Variants in PRKG1 observed in about 807,000 individuals in gnomAD.
The protein encoded by PRKG1 is cGMP-dependent protein kinase 1.
PRKG1 carries 35 observed loss-of-function variants against 88.1 expected under a neutral mutation model. The observed-to-expected ratio is 0.40, with a 90% confidence interval of 0.30 to 0.53. The LOEUF (loss-of-function observed/expected upper bound fraction) is 0.53, where lower values mean the gene tolerates loss of function less well. Among genes scored for constraint, PRKG1 ranks in the 20% least tolerant of loss-of-function variants. The pLI, the probability that PRKG1 is intolerant of heterozygous loss-of-function variation, is 0.59. For missense variants in PRKG1, 540 were observed against 839.8 expected, an observed-to-expected ratio of 0.64 and a Z score of 4.41; for synonymous variants, 303 against 292.5, an observed-to-expected ratio of 1.04 and a Z score of -0.37.
chr10:51,796,576 C>T (rs1425847322), intron 3 of PRKG1, among the ~76,000 whole-genome samples: 1 of 151,952 alleles, frequency 6.6e-6, no homozygotes, highest in Non-Finnish European at 1.5e-5. Flanking sequence ...AAGTTTAGCA[C>T]AGAAGGGTCT....
At chr10:51,322,653 A>C (rs956778691) in intron 2 of PRKG1, among the ~76,000 whole-genome samples, 1 of 152,244 alleles carries the variant, frequency 6.6e-6, no homozygotes, top group African/African-American at 2.4e-5. Context: ...CATCTGATTT[A>C]ATAGAATATA....
At chr10:51,120,255 C>G (rs1845229013) in intron 1 of PRKG1, among the ~76,000 whole-genome samples, 1 of 151,944 alleles carries the variant, frequency 6.6e-6, no homozygotes, top group Non-Finnish European at 1.5e-5. Flanking sequence ...TTACCTTAAG[C>G]TAAATAATGG....
At chr10:51,086,590 A>C (rs1014257528) in intron 1 of PRKG1, among the ~76,000 whole-genome samples, 1 of 152,192 alleles carries the variant, frequency 6.6e-6, no homozygotes, top group African/African-American at 2.4e-5. Context: ...TTATATAACC[A>C]CGATAGTTTA....
chr10:51,132,397 A>G (rs1037914369), intron 1 of PRKG1, among the ~76,000 whole-genome samples: 3 of 152,180 alleles, frequency 2.0e-5, no homozygotes, highest in African/African-American at 7.2e-5. Context: ...ATAATAAGAT[A>G]TGTCTATTCA....
intron 3 of PRKG1, among the ~76,000 whole-genome samples, chr10:51,703,662 A>G (rs1589217674): frequency 6.6e-6 from 1 of 152,310 alleles, no homozygotes; most frequent in East Asian, 1.9e-4. Context: ...GTCTGCCAGA[A>G]AAGAAGGTCT....
In PRKG1 at chr10:51,024,771, G is replaced by T. The variant is rs117967704; in HGVS notation, c.266+33127G>T. Reference sequence around the variant, plus strand: ...AGAGCAGGAGGAAGAGAGGGAAACGGGTAGGTACGACACACTTTTAAGCAA... The same window carrying T: ...AGAGCAGGAGGAAGAGAGGGAAACGTGTAGGTACGACACACTTTTAAGCAA... On this transcript the variant is annotated intron_variant, in intron 1 of 17. Coordinates refer to the PRKG1 transcript ENST00000401604. Among the ~76,000 whole-genome samples, 900 of 152,174 alleles carry T rather than the reference G, an allele frequency of 5.9e-3. 55 individuals are homozygous for T. The East Asian group carries it at 0.13, about 22-fold the overall frequency.
At chr10:51,792,221 C>T (rs561822340) in intron 3 of PRKG1, among the ~76,000 whole-genome samples, 2 of 152,140 alleles carry the variant, frequency 1.3e-5, no homozygotes, top group East Asian at 1.9e-4. Flanking sequence ...ATCTTCATAA[C>T]TCTATTATTA....
At chr10:52,292,112 G>GT (rs549136951) in intron 17 of PRKG1, among the ~76,000 whole-genome samples, 2 of 151,816 alleles carry the variant, frequency 1.3e-5, no homozygotes, top group East Asian at 1.9e-4. Flanking sequence ...GGGGTTGTTT[G>GT]TTTTTTTTCT....
intron 3 of PRKG1, among the ~76,000 whole-genome samples, chr10:51,568,186 C>G (rs1455623758): frequency 6.6e-6 from 1 of 151,612 alleles, no homozygotes; most frequent in Admixed American, 6.6e-5. Context: ...CAATCTTCAC[C>G]CTTATGTATT....
intron 7 of PRKG1, among the ~76,000 whole-genome samples, chr10:52,126,664 T>C (rs1223899426): frequency 1.3e-5 from 2 of 152,216 alleles, no homozygotes; most frequent in Middle Eastern, 3.4e-3. Context: ...ATATTTCTTA[T>C]GTGTAAAAAT....
intron 3 of PRKG1, among the ~76,000 whole-genome samples, chr10:51,580,046 C>T (rs2132184366): frequency 6.6e-6 from 1 of 152,244 alleles, no homozygotes; most frequent in African/African-American, 2.4e-5. Context: ...GCATCTTTCT[C>T]ATCCACATTC....
intron 3 of PRKG1, among the ~76,000 whole-genome samples, chr10:51,657,654 C>A (rs982174735): frequency 6.6e-6 from 1 of 152,144 alleles, no homozygotes; most frequent in African/African-American, 2.4e-5. Context: ...ATGGCCCATT[C>A]TTCAAACACT....
In PRKG1 at chr10:51,825,533, G is replaced by T. The variant is rs576295783; in HGVS notation, c.698+20843G>T. ...AAGACACACCCTGAGCAACAGTACA[G>T]AGATGGGAAAATTTAGTCGATGATG... On this transcript the variant is annotated intron_variant, in intron 4 of 17. Coordinates refer to ENST00000373980, the MANE Select transcript of PRKG1 (RefSeq NM_006258.4). Among the ~76,000 whole-genome samples, 14 of 152,230 alleles carry T rather than the reference G, an allele frequency of 9.2e-5. No individual in the cohort carries two copies. In the South Asian group the frequency reaches 2.3e-3, roughly 25 times the overall value.
At chr10:51,552,000 A>G (rs893045969) in intron 3 of PRKG1, among the ~76,000 whole-genome samples, 4 of 151,626 alleles carry the variant, frequency 2.6e-5, no homozygotes, top group Non-Finnish European at 5.9e-5. Flanking sequence ...TAAGCTAATC[A>G]TTCTTAGTAT....
chr10:51,353,471 A>T (rs537607830), intron 2 of PRKG1, among the ~76,000 whole-genome samples: 26 of 151,378 alleles, frequency 1.7e-4, no homozygotes, highest in African/African-American at 6.3e-4. Flanking sequence ...TAAGAATGTG[A>T]TTTAAAAATG....
chr10:52,281,654 T>C lies in PRKG1; in HGVS notation c.1546-499T>C, dbSNP rs11001438. On this transcript the variant is annotated intron_variant, in intron 13 of 17. Transcript: ENST00000373980. ...TTATAATTTTATTTCTGTTTATGCT[T>C]ACTAAGGGCAGAGTCATTGGTCCCA... Among the ~76,000 whole-genome samples, 792 of 152,250 alleles carry C rather than the reference T, an allele frequency of 5.2e-3. 8 individuals are homozygous for C. The highest frequency in any genetic ancestry group is 0.018 in the African/African-American group (736 of 41,562).
intron 3 of PRKG1, among the ~76,000 whole-genome samples, chr10:51,767,495 T>A (rs1019983590): frequency 6.6e-6 from 1 of 152,346 alleles, no homozygotes; most frequent in East Asian, 1.9e-4. Flanking sequence ...TAATGATTGC[T>A]TTCTCTACCT....
chr10:52,290,041 T>C (rs1435467295), intron 16 of PRKG1, among the ~76,000 whole-genome samples, 183 bp from the exon 17 acceptor site: 1 of 152,216 alleles, frequency 6.6e-6, no homozygotes, highest in Non-Finnish European at 1.5e-5. Context: ...AGTTATACTT[T>C]TAAAAATATG....
In PRKG1 at chr10:51,830,714, G is replaced by A. The variant is rs147213722; in HGVS notation, c.698+26024G>A. On this transcript the variant is annotated intron_variant, in intron 4 of 17. Coordinates refer to ENST00000373980, the MANE Select transcript of PRKG1 (RefSeq NM_006258.4). ...GTAGCTGGGATTACAGGTGTGTGCC[G>A]CCACACCAGGCTAATTTTTGTATTT... 6.6e-3 allele frequency among the ~76,000 whole-genome samples: 1,000 copies of A among 151,252 alleles called. 13 individuals are homozygous for A. Among genetic ancestry groups the A allele is most frequent in the African/African-American group, 0.023 (939 of 41,286 alleles).
Sources: allele counts gnomAD v4.1 joint callset (sites outside exome capture counted in the v4.1 genomes callset), GRCh38; gene constraint gnomAD v4.1.1; transcripts MANE v1.5; gene names NCBI Gene and HGNC (gene_info 2026-07-23, HGNC 2026-07-21).